The following GALNS variants were observed in gnomAD, a reference collection of about 807,000 sequenced individuals.
GALNS encodes the protein galactosamine (N-acetyl)-6-sulfatase.
In GALNS, 65 loss-of-function variants were observed where a neutral mutation model predicts 65.9. The ratio of observed to expected loss-of-function variants is 0.99; its 90% CI spans 0.81 to 1.21. The LOEUF (loss-of-function observed/expected upper bound fraction) is 1.21. Among genes scored for constraint, GALNS ranks in the 50% most tolerant of loss-of-function variants. The pLI, the probability that GALNS is intolerant of heterozygous loss-of-function variation, is 0.00. For synonymous variants in GALNS, 346 were observed against 288.9 expected (o/e 1.20, Z -2.00); for missense variants, 776 against 700.7 (o/e 1.11, Z -1.21).
chr16:88,835,152 G>C, intron 8 of GALNS, 61 bp downstream of exon 8: 3 of 1,549,380 alleles, frequency 1.9e-6, no homozygotes, highest in Non-Finnish European at 1.7e-6. Context: ...AGCCGGTCCA[G>C]GCACTCTTCG....
intron 1 of GALNS, chr16:88,843,880 G>A (rs1484497350): frequency 1.3e-5 from 2 of 152,630 alleles, no homozygotes; most frequent in African/African-American, 2.4e-5. Context: ...CTTCATGTGA[G>A]GGAAGGAAGC....
chr16:88,842,652 G>C, intron 2 of GALNS, 54 bp downstream of exon 2: 1 of 1,600,332 alleles, frequency 6.2e-7, no homozygotes, highest in East Asian at 2.3e-5. Context: ...GACCCGGGAG[G>C]CCTCGGCCTG....
chr16:88,830,154 C>G (rs900380534), intron 9 of GALNS, among the ~76,000 whole-genome samples: 3 of 143,416 alleles, frequency 2.1e-5, no homozygotes, highest in African/African-American at 7.9e-5. Flanking sequence ...TCGCTTGAAT[C>G]TGGGAGGTAG....
intron 9 of GALNS, 124 bp downstream of exon 9, chr16:88,831,874 G>C: frequency 1.3e-6 from 1 of 787,190 alleles, no homozygotes; most frequent in Non-Finnish European, 2.2e-6. Flanking sequence ...AGGGTGCGTG[G>C]GGAGGAGAGC....
At chr16:88,815,115 A>C (rs1909490490) in intron 13 of GALNS, 1 of 985,348 alleles carries the variant, frequency 1.0e-6, no homozygotes, top group African/African-American at 1.7e-5. Flanking sequence ...ACCTCGGTCC[A>C]GGTGGGCAGC....
At position 88,841,838 on chromosome 16, in the gene GALNS, T is replaced by C. The variant is rs372916966; in HGVS notation, c.319+59A>G. 1,026 of 1,484,110 alleles carry C rather than the reference T, an allele frequency of 6.9e-4. 6 individuals carry two copies. In the African/African-American group the frequency reaches 0.013, roughly 19 times the overall value. The allele number at this position is 1,484,110 out of a possible 1,614,324, so 91.9% of individuals were successfully genotyped here. ...GTCCCGGAGACACGGGCACCACCCGTAGCCCACCTGCCCAACCCTGCACCC... is the reference window on the plus strand; with the variant it reads ...GTCCCGGAGACACGGGCACCACCCGCAGCCCACCTGCCCAACCCTGCACCC... On this transcript the variant is annotated intron_variant, in intron 3 of 13. Coordinates refer to ENST00000268695, the MANE Select transcript of GALNS (RefSeq NM_000512.5).
intron 13 of GALNS, chr16:88,816,630 C>T (rs965820208): frequency 1.1e-5 from 11 of 985,162 alleles, no homozygotes; most frequent in Non-Finnish European, 1.3e-5. Context: ...CCATGGTCCT[C>T]ACTGCTGGTA....
intron 12 of GALNS, among the ~76,000 whole-genome samples, chr16:88,819,796 C>T (rs1177918792): frequency 3.9e-5 from 6 of 152,052 alleles, no homozygotes; most frequent in Admixed American, 3.9e-4. Context: ...CTGGTTCAAG[C>T]GATTCTCCTG....
At position 88,814,500 on chromosome 16, in the gene GALNS, T is replaced by C. The variant is rs1318959876; in HGVS notation, c.1508A>G (p.Lys503Arg). The change falls in exon 14 of 14, where the codon AAG becomes AGG. Residue 503 changes from lysine to arginine, a missense_variant. Lys to Arg is a conservative substitution (Grantham distance 26). Coordinates refer to ENST00000268695, the MANE Select transcript of GALNS (RefSeq NM_000512.5). ...TGGAGGTGTCAGACACTTCCCTAAC[T>C]TTTCACAGCCCGGAGGTGCCCAGTT... ...VMNWAPPGCEKLGKCLTPPES... is the reference protein window; with the variant it reads ...VMNWAPPGCERLGKCLTPPES... 1.3e-6 allele frequency: 2 copies of C among 1,560,380 alleles called. No individual in the cohort carries two copies. The highest frequency in any genetic ancestry group is 2.4e-5 in the East Asian group (1 of 42,274).
chr16:88,815,093 A>C (rs1909488570), intron 13 of GALNS: 2 of 985,308 alleles, frequency 2.0e-6, no homozygotes, highest in Admixed American at 6.1e-5. Flanking sequence ...AATTGGCCTC[A>C]GTGTGGGGAC....
intron 12 of GALNS, among the ~76,000 whole-genome samples, chr16:88,821,693 G>A (rs1216821416): frequency 6.6e-6 from 1 of 152,196 alleles, no homozygotes; most frequent in African/African-American, 2.4e-5. Context: ...CCTCGGTCCT[G>A]TACTGCTCTC....
chr16:88,822,032 GT>G (rs1251757614), intron 12 of GALNS, among the ~76,000 whole-genome samples: 1 of 152,172 alleles, frequency 6.6e-6, no homozygotes, highest in East Asian at 1.9e-4. Context: ...CCAGCCAAGT[GT>G]TGGGGCCTCT....
chr16:88,850,979 A>G (rs1446626700), intron 1 of GALNS, among the ~76,000 whole-genome samples: 2 of 152,126 alleles, frequency 1.3e-5, no homozygotes, highest in Admixed American at 1.3e-4. Context: ...AACCTCCCAC[A>G]CATGTGCCTT....
chr16:88,816,447 G>C (rs1909632882), intron 13 of GALNS: 3 of 985,430 alleles, frequency 3.0e-6, no homozygotes. Context: ...CAGAGGCGGG[G>C]ACGCCAGCTG....
In GALNS at chr16:88,814,346, G is replaced by A. The variant is rs1395334280; in HGVS notation, c.*93C>T. 6.6e-7 allele frequency: 1 copy of A among 1,505,042 alleles called. No individual in the cohort carries two copies. The highest frequency in any genetic ancestry group is 1.4e-5 in the African/African-American group (1 of 72,156). 93.2% of individuals were successfully genotyped at this position (1,505,042 alleles called of 1,614,324 possible). A position where few individuals can be genotyped will look rare whatever the true frequency, so the allele number is the denominator to read the frequency against. ...GGTGCTGTCTGTCTGGCTTGGGCAG[G>A]GTTGGGGGAGGACCGAGGCCAGAGC... On this transcript the variant is annotated 3_prime_UTR_variant, in exon 14 of 14. Coordinates refer to ENST00000268695, the MANE Select transcript of GALNS (RefSeq NM_000512.5).
intron 5 of GALNS, among the ~76,000 whole-genome samples, chr16:88,836,615 C>T (rs1237217533): frequency 6.6e-6 from 1 of 151,762 alleles, no homozygotes; most frequent in Non-Finnish European, 1.5e-5. Flanking sequence ...GATCGCGCCA[C>T]TGCAATCCAC....
chr16:88,819,774 A>G (rs976918867), intron 12 of GALNS, among the ~76,000 whole-genome samples: 37 of 151,580 alleles, frequency 2.4e-4, no homozygotes, highest in African/African-American at 8.7e-4. Context: ...GCTCACTGCA[A>G]CCTCCGCCTC....
chr16:88,852,076 G>A (rs1401240784), intron 1 of GALNS, among the ~76,000 whole-genome samples: 1 of 152,220 alleles, frequency 6.6e-6, no homozygotes, highest in Non-Finnish European at 1.5e-5. Flanking sequence ...CCTGACCCCC[G>A]TGTAGCCTAA....
chr16:88,816,307 G>T, intron 13 of GALNS: 1 of 985,430 alleles, frequency 1.0e-6, no homozygotes, highest in Non-Finnish European at 1.2e-6. Context: ...GAAGGACCCA[G>T]CAGCACGGAG....
Sources: gnomAD v4.1 joint callset for allele counts (sites outside exome capture counted in the v4.1 genomes callset) on GRCh38, gnomAD v4.1.1 for gene constraint, MANE v1.5 for transcripts, NCBI Gene and HGNC (gene_info 2026-07-23, HGNC 2026-07-21) for gene names.